MSRA: variants seen among roughly 807,000 people sequenced by gnomAD.
MSRA encodes methionine sulfoxide reductase A, also known as mitochondrial peptide methionine sulfoxide reductase.
Under a neutral mutation model 31.3 loss-of-function variants are expected in MSRA, and 54 were observed. That is an observed-to-expected ratio of 1.73 (90% confidence interval 1.39 to 2.17). The LOEUF (loss-of-function observed/expected upper bound fraction) is 2.17. MSRA is among the 30% of genes most tolerant of loss of function. MSRA has a pLI of 0.00. For missense variants in MSRA, 507 were observed against 300.9 expected (o/e 1.69, Z -5.07); for synonymous variants, 169 against 116.5 (o/e 1.45, Z -2.90).
chr8:10,121,819 C>T (rs1434887542), intron 1 of MSRA, among the ~76,000 whole-genome samples: 1 of 149,942 alleles, frequency 6.7e-6, no homozygotes, highest in Non-Finnish European at 1.5e-5. Context: ...TACAGGTGCA[C>T]ACCACCATAC....
intron 1 of MSRA, among the ~76,000 whole-genome samples, chr8:10,168,633 G>T (rs542795593): frequency 3.9e-5 from 6 of 152,322 alleles, no homozygotes; most frequent in African/African-American, 1.4e-4. Context: ...GAAGCTCAGA[G>T]AAGGGAAGCA....
Position 10,302,211 on chromosome 8 carries a change from A to G in MSRA, c.436+573A>G, listed in dbSNP as rs80212059. The stretch of plus-strand genomic sequence containing the variant: ...TATTAATATATTTGGGCTATAAACA[A>G]TGGTGGTTGGAAATTTTATTTGAAT... On this transcript the variant is annotated intron_variant, in intron 4 of 5. Coordinates refer to ENST00000317173, the MANE Select transcript of MSRA (RefSeq NM_012331.5). Among the ~76,000 whole-genome samples the G allele has an allele frequency of 3.4e-3, 525 of 152,352 alleles. 2 individuals carry two copies. Among genetic ancestry groups the G allele is most frequent in the African/African-American group, 0.012 (503 of 41,574 alleles).
chr8:10,319,268 T>A (rs1205584760), intron 4 of MSRA, among the ~76,000 whole-genome samples: 1 of 152,202 alleles, frequency 6.6e-6, no homozygotes, highest in African/African-American at 2.4e-5. Context: ...GTGGCAACCC[T>A]GCGGCTGTTT....
intron 2 of MSRA, among the ~76,000 whole-genome samples, chr8:10,213,668 C>T (rs1190898313): frequency 3.3e-5 from 5 of 151,902 alleles, no homozygotes; most frequent in Non-Finnish European, 5.9e-5. Flanking sequence ...GATCTCCTGA[C>T]CTCGTGATCT....
intron 5 of MSRA, among the ~76,000 whole-genome samples, chr8:10,351,489 T>C (rs1230782086): frequency 2.0e-5 from 3 of 152,146 alleles, no homozygotes; most frequent in African/African-American, 7.2e-5. Flanking sequence ...CTTGACCTCA[T>C]GATCCACCCG....
Position 10,075,677 on chromosome 8 carries a change from A to C in MSRA, c.142+21019A>C, listed in dbSNP as rs73526786. 5.5e-3 allele frequency among the ~76,000 whole-genome samples: 838 copies of C among 152,368 alleles called. 8 individuals are homozygous for C. Among genetic ancestry groups the C allele is most frequent in the African/African-American group, 0.019 (781 of 41,586 alleles). On this transcript the variant is annotated intron_variant, in intron 1 of 5. Transcript: ENST00000317173. ...AGACATTGTTTTATGTTCTAGCATCAAGAGATGATTTTACGATATAACAAG... is the reference window on the plus strand; with the variant it reads ...AGACATTGTTTTATGTTCTAGCATCCAGAGATGATTTTACGATATAACAAG...
At chr8:10,209,945 A>G (rs527398923) in intron 2 of MSRA, among the ~76,000 whole-genome samples, 9 of 152,358 alleles carry the variant, frequency 5.9e-5, no homozygotes, top group Non-Finnish European at 8.8e-5. Flanking sequence ...AGTGCAGTTT[A>G]GCTCTTCCAG....
At chr8:10,115,439 AG>A (rs1473729882) in intron 1 of MSRA, among the ~76,000 whole-genome samples, 3 of 152,200 alleles carry the variant, frequency 2.0e-5, no homozygotes, top group African/African-American at 7.2e-5. Context: ...ATCCTTTCCT[AG>A]CACCTTCAGA....
At chr8:10,128,883 T>G (rs978367952) in intron 1 of MSRA, among the ~76,000 whole-genome samples, 6 of 152,212 alleles carry the variant, frequency 3.9e-5, no homozygotes, top group African/African-American at 1.4e-4. Context: ...TATTATATAT[T>G]AGGTTGATTT....
At chr8:10,411,992 A>G (rs989299888) in intron 5 of MSRA, among the ~76,000 whole-genome samples, 1 of 152,218 alleles carries the variant, frequency 6.6e-6, no homozygotes, top group Non-Finnish European at 1.5e-5. Context: ...GGTTTTTATC[A>G]CATTTCATAA....
At chr8:10,296,873 C>G (rs1800572399) in intron 3 of MSRA, among the ~76,000 whole-genome samples, 4 of 152,184 alleles carry the variant, frequency 2.6e-5, no homozygotes, top group Non-Finnish European at 5.9e-5. Context: ...TGACTCCTCA[C>G]CACTACCTGC....
intron 4 of MSRA, among the ~76,000 whole-genome samples, chr8:10,305,062 T>A (rs571335277): frequency 6.6e-6 from 1 of 152,286 alleles, no homozygotes; most frequent in African/African-American, 2.4e-5. Context: ...TCAAGAGAAA[T>A]GTATTTTAAT....
At chr8:10,239,021 A>C (rs927075080) in intron 2 of MSRA, among the ~76,000 whole-genome samples, 3 of 152,224 alleles carry the variant, frequency 2.0e-5, no homozygotes, top group South Asian at 2.1e-4. Context: ...CATTCAAAAC[A>C]TAAAAATTGC....
intron 1 of MSRA, among the ~76,000 whole-genome samples, chr8:10,088,459 G>C (rs1431833590): frequency 1.3e-5 from 2 of 152,004 alleles, no homozygotes. Flanking sequence ...AACTGGCCAG[G>C]CGTGGTGGCT....
intron 5 of MSRA, among the ~76,000 whole-genome samples, chr8:10,414,317 A>T (rs957189675): frequency 1.3e-5 from 2 of 152,240 alleles, no homozygotes; most frequent in Admixed American, 1.3e-4. Context: ...CTGCTGACTT[A>T]ACTTCCTCAT....
At chr8:10,380,612 T>A (rs1806010045) in intron 5 of MSRA, among the ~76,000 whole-genome samples, 1 of 152,240 alleles carries the variant, frequency 6.6e-6, no homozygotes, top group Non-Finnish European at 1.5e-5. Flanking sequence ...TTTCTTTCCT[T>A]TTCTAGACTG....
At chr8:10,383,725 A>G (rs1316878307) in intron 5 of MSRA, among the ~76,000 whole-genome samples, 1 of 152,176 alleles carries the variant, frequency 6.6e-6, no homozygotes, top group Non-Finnish European at 1.5e-5. Flanking sequence ...CTTAATCTAC[A>G]TGGACAAAGC....
chr8:10,066,973 G>A (rs1000424663), intron 1 of MSRA, among the ~76,000 whole-genome samples: 2 of 151,230 alleles, frequency 1.3e-5, no homozygotes, highest in African/African-American at 2.4e-5. Flanking sequence ...CCCTGTTAAC[G>A]TCTTGCTTTA....
At position 10,158,389 on chromosome 8, in the gene MSRA, TC is replaced by T. The variant is rs537178477; in HGVS notation, c.143-49439del. 1.7e-3 allele frequency among the ~76,000 whole-genome samples: 254 copies of T among 152,212 alleles called. 2 individuals are homozygous for T. Among genetic ancestry groups the T allele is most frequent in the African/African-American group, 5.8e-3 (240 of 41,530 alleles). On this transcript the variant is annotated intron_variant, in intron 1 of 5. Coordinates refer to ENST00000317173, the MANE Select transcript of MSRA (RefSeq NM_012331.5). The stretch of plus-strand genomic sequence containing the variant: ...GACATTCCTCACTTCTTCCCAACAC[TC>T]CCCCAGCTATCGGCACAATAATCTA...
Sources: allele counts gnomAD v4.1 joint callset (sites outside exome capture counted in the v4.1 genomes callset), GRCh38; gene constraint gnomAD v4.1.1; transcripts MANE v1.5; gene names NCBI Gene and HGNC (gene_info 2026-07-23, HGNC 2026-07-21).